SORCS1: variants seen among roughly 807,000 people sequenced by gnomAD.
SORCS1 encodes sortilin related VPS10 domain containing receptor 1.
Under a neutral mutation model 146.1 loss-of-function variants are expected in SORCS1, and 60 were observed. The observed-to-expected ratio is 0.41, with a 90% confidence interval of 0.33 to 0.51. SORCS1 has a LOEUF of 0.51. Among genes scored for constraint, SORCS1 ranks in the 20% least tolerant of loss-of-function variants. SORCS1 has a pLI of 0.21. For synonymous variants in SORCS1, 637 were observed against 584.0 expected (o/e 1.09, Z -1.31); for missense variants, 1,352 against 1,487.6 (o/e 0.91, Z 1.50).
At chr10:106,743,579 C>T (rs537131883) in intron 5 of SORCS1, among the ~76,000 whole-genome samples, 2 of 152,142 alleles carry the variant, frequency 1.3e-5, no homozygotes, top group East Asian at 1.9e-4. Flanking sequence ...TGCATACCAC[C>T]GTGCCTGGCT....
At chr10:107,025,233 T>C (rs1195090939) in intron 1 of SORCS1, among the ~76,000 whole-genome samples, 1 of 152,072 alleles carries the variant, frequency 6.6e-6, no homozygotes, top group African/African-American at 2.4e-5. Flanking sequence ...TAAAGAAAAA[T>C]AAATTTCTAA....
chr10:106,705,490 C>T (rs141239220), intron 8 of SORCS1, among the ~76,000 whole-genome samples: 3 of 151,934 alleles, frequency 2.0e-5, no homozygotes, highest in Non-Finnish European at 4.4e-5. Flanking sequence ...AGACAACATA[C>T]GACAAAGTGA....
chr10:106,767,978 A>C (rs1249386435), intron 4 of SORCS1, among the ~76,000 whole-genome samples: 1 of 151,378 alleles, frequency 6.6e-6, no homozygotes, highest in Non-Finnish European at 1.5e-5. Flanking sequence ...TTGTAGCTCT[A>C]TTTTTTTTTC....
intron 3 of SORCS1, 76 bp downstream of exon 3, chr10:106,829,498 G>T: frequency 1.0e-6 from 1 of 963,578 alleles, no homozygotes; most frequent in Non-Finnish European, 1.6e-6. Flanking sequence ...TGGATTTTTA[G>T]GTAGCTAGAG....
Position 106,623,721 on chromosome 10 carries a change from A to G in SORCS1, c.2663-3160T>C, listed in dbSNP as rs553229823. 3.0e-4 allele frequency among the ~76,000 whole-genome samples: 45 copies of G among 152,146 alleles called. No individual in the cohort carries two copies. The East Asian group carries it at 8.1e-3, about 27-fold the overall frequency. On this transcript the variant is annotated intron_variant, in intron 19 of 25. Transcript: ENST00000263054. ...CCCTCTGCTGCCCAGGCTGGAGTGC[A>G]GTGGCATGATCTCAGCTCACTGCAA...
At chr10:106,605,137 C>T (rs1206069729) in intron 23 of SORCS1, among the ~76,000 whole-genome samples, 1 of 152,222 alleles carries the variant, frequency 6.6e-6, no homozygotes, top group Non-Finnish European at 1.5e-5. Flanking sequence ...TCTCTGATGA[C>T]ATGGTTCACC....
chr10:107,099,733 T>C (rs1964786757), intron 1 of SORCS1, among the ~76,000 whole-genome samples: 1 of 152,172 alleles, frequency 6.6e-6, no homozygotes, highest in African/African-American at 2.4e-5. Flanking sequence ...AAGAATACAA[T>C]AAAATATTAT....
At chr10:106,656,290 C>A (rs571611853) in intron 17 of SORCS1, among the ~76,000 whole-genome samples, 1 of 152,304 alleles carries the variant, frequency 6.6e-6, no homozygotes, top group South Asian at 2.1e-4. Context: ...ATGGCTCATG[C>A]CTGCAATCCC....
At chr10:107,034,677 T>C (rs1272251153) in intron 1 of SORCS1, among the ~76,000 whole-genome samples, 2 of 24,598 alleles carry the variant, frequency 8.1e-5, no homozygotes, top group African/African-American at 2.7e-4. Context: ...CGAAACTCCA[T>C]CTCAAAAAAA....
At chr10:106,658,249 C>T (rs1234762181) in intron 17 of SORCS1, among the ~76,000 whole-genome samples, 1 of 151,942 alleles carries the variant, frequency 6.6e-6, no homozygotes, top group Non-Finnish European at 1.5e-5. Context: ...TAAATGCCTT[C>T]TTTTGCCTGT....
At position 106,806,993 on chromosome 10, in the gene SORCS1, G is replaced by A. The variant is rs116987872; in HGVS notation, c.726+22581C>T. 2.7e-3 allele frequency among the ~76,000 whole-genome samples: 405 copies of A among 152,102 alleles called. 9 individuals carry two copies. The East Asian group carries it at 0.063, about 24-fold the overall frequency. On this transcript the variant is annotated intron_variant, in intron 3 of 25. Transcript: ENST00000263054. ...AACACAATATCAATAAAGGCATGGG[G>A]AAAAAAAGCACATATGTTCACCATC... is the stretch of plus-strand genomic sequence containing the variant.
intron 2 of SORCS1, among the ~76,000 whole-genome samples, chr10:106,948,712 C>A (rs1217650931): frequency 6.6e-6 from 1 of 151,838 alleles, no homozygotes; most frequent in Non-Finnish European, 1.5e-5. Context: ...GTAATCCCAG[C>A]ACTTTGGGAG....
intron 4 of SORCS1, among the ~76,000 whole-genome samples, chr10:106,773,605 T>C (rs1860193257): frequency 6.6e-6 from 1 of 152,150 alleles, no homozygotes; most frequent in African/African-American, 2.4e-5. Context: ...GAGAGGTCAG[T>C]AGAAAGCCTG....
chr10:107,097,468 A>G (rs1259665146), intron 1 of SORCS1, among the ~76,000 whole-genome samples: 1 of 152,170 alleles, frequency 6.6e-6, no homozygotes. Context: ...GTGCTATAAC[A>G]ACTGGGCCTG....
intron 3 of SORCS1, among the ~76,000 whole-genome samples, chr10:106,786,606 G>C (rs1264027601): frequency 2.6e-5 from 4 of 151,936 alleles, no homozygotes; most frequent in Non-Finnish European, 5.9e-5. Context: ...AAAGAATTCT[G>C]GGCCAGACTT....
At chr10:107,154,931 T>C (rs1313532963) in intron 1 of SORCS1, among the ~76,000 whole-genome samples, 1 of 152,158 alleles carries the variant, frequency 6.6e-6, no homozygotes, top group African/African-American at 2.4e-5. Context: ...ATTTTACAGA[T>C]GAGGGAACTA....
At chr10:106,914,804 T>C (rs1413682345) in intron 2 of SORCS1, among the ~76,000 whole-genome samples, 1 of 152,176 alleles carries the variant, frequency 6.6e-6, no homozygotes, top group East Asian at 1.9e-4. Context: ...ATTATGGCGG[T>C]GGAAGTGGTG....
intron 18 of SORCS1, among the ~76,000 whole-genome samples, chr10:106,640,701 T>C (rs769157515): frequency 1.2e-4 from 18 of 152,306 alleles, no homozygotes; most frequent in Non-Finnish European, 2.5e-4. Context: ...AGCTGAGTTA[T>C]TGTGTTGAAA....
At chr10:107,035,355 G>C (rs1037080707) in intron 1 of SORCS1, among the ~76,000 whole-genome samples, 15 of 151,586 alleles carry the variant, frequency 9.9e-5, no homozygotes, top group Non-Finnish European at 1.8e-4. Flanking sequence ...AGTGAATCAG[G>C]TGCTGTGCTT....
Sources: allele counts gnomAD v4.1 joint callset (sites outside exome capture counted in the v4.1 genomes callset), GRCh38; gene constraint gnomAD v4.1.1; transcripts MANE v1.5; gene names NCBI Gene and HGNC (gene_info 2026-07-23, HGNC 2026-07-21).